Variants in UGGT2 observed in about 807,000 individuals in gnomAD.
UGGT2 encodes the protein UDP-glucose:glycoprotein glucosyltransferase 2.
A neutral mutation model predicts 192.1 loss-of-function variants in UGGT2; 180 were observed. The observed-to-expected ratio is 0.94, with a 90% confidence interval of 0.83 to 1.06. UGGT2 has a LOEUF of 1.06. Among genes scored for constraint, UGGT2 ranks in the 50% least tolerant of loss-of-function variants. The probability of loss-of-function intolerance (pLI) is 0.00; values close to 1 mark genes in which losing one functional copy is unlikely to be tolerated. For missense variants in UGGT2, 1,849 were observed against 1,795.7 expected, an observed-to-expected ratio of 1.03 and a Z score of -0.54; for synonymous variants, 580 against 591.0, an observed-to-expected ratio of 0.98 and a Z score of 0.27.
At chr13:95,960,037 A>G (rs1380684867) in intron 12 of UGGT2, among the ~76,000 whole-genome samples, 1 of 152,214 alleles carries the variant, frequency 6.6e-6, no homozygotes, top group African/African-American at 2.4e-5. Context: ...AGATTACCCT[A>G]CTGCACACAT....
chr13:95,970,110 A>G lies in UGGT2; in HGVS notation c.1335+2T>C. ...AGAACAAGGAATAGCATAAGCACTT[A>G]CCATTATAGAAGAATGTCGAATATC... On this transcript the variant is annotated splice_donor_variant, in intron 12 of 38. Transcript: ENST00000376747. LOFTEE classifies it high-confidence loss of function. 6.2e-7 allele frequency: 1 copy of G among 1,602,882 alleles called. No individual in the cohort carries two copies. Among genetic ancestry groups the G allele is most frequent in the Non-Finnish European group, 8.5e-7 (1 of 1,170,726 alleles).
chr13:96,015,233 G>A (rs535376493), intron 4 of UGGT2, among the ~76,000 whole-genome samples: 40 of 148,894 alleles, frequency 2.7e-4, no homozygotes, highest in South Asian at 8.5e-4. Flanking sequence ...AGCCGAGATC[G>A]CATCACTGCA....
At chr13:95,995,562 C>A (rs1005846223) in intron 7 of UGGT2, among the ~76,000 whole-genome samples, 1 of 151,898 alleles carries the variant, frequency 6.6e-6, no homozygotes, top group Non-Finnish European at 1.5e-5. Context: ...CAACTATTTT[C>A]CTGAAATTTG....
intron 1 of UGGT2, among the ~76,000 whole-genome samples, chr13:96,032,199 G>C (rs1293653604): frequency 6.6e-6 from 1 of 151,896 alleles, no homozygotes; most frequent in Non-Finnish European, 1.5e-5. Context: ...TCAGGAAAAG[G>C]CTTCATGAGA....
rs111456441 is a variant in UGGT2 at position 95,936,844 on chromosome 13, TTC to T, written c.1977+78_1977+79del. On this transcript the variant is annotated intron_variant, in intron 17 of 38. Coordinates refer to ENST00000376747, the MANE Select transcript of UGGT2 (RefSeq NM_020121.4). ...AATGGAAATTTTTTACCAAATCAACTTCTGTCATTAAAATAAGTTTTTAATAA... is the reference window on the plus strand; with the variant it reads ...AATGGAAATTTTTTACCAAATCAACTTGTCATTAAAATAAGTTTTTAATAA... The T allele has an allele frequency of 9.4e-6, 12 of 1,272,004 alleles. No individual in the cohort carries two copies. The East Asian group carries it at 2.2e-4, about 23-fold the overall frequency. The allele number at this position is 1,272,004 out of a possible 1,614,324, so 78.8% of individuals were successfully genotyped here.
Position 95,884,635 on chromosome 13 carries a change from A to T in UGGT2, c.3084T>A (p.Asn1028Lys). Residue 1028 changes from asparagine to lysine, a missense_variant, in exon 27 of 39, where the codon AAT becomes AAA. Transcript: ENST00000376747. ...CCACTGGTCCAAGAGAAGAAACGTC[A>T]TTAGCCCCTGACATCAGTTCTGGTT... ...VLEPELMSGA[N>K]DVSSLGPVAK... 1 of 1,613,928 alleles carries T rather than the reference A, an allele frequency of 6.2e-7. No individual in the cohort carries two copies. The highest frequency in any genetic ancestry group is 8.5e-7 in the Non-Finnish European group (1 of 1,179,870).
At chr13:95,992,179 A>G (rs1041799420) in intron 7 of UGGT2, among the ~76,000 whole-genome samples, 1 of 152,096 alleles carries the variant, frequency 6.6e-6, no homozygotes, top group Non-Finnish European at 1.5e-5. Flanking sequence ...AAAGAAAAGA[A>G]AAAAAAATGA....
In UGGT2 at chr13:95,854,396, C is replaced by T; in HGVS notation, c.4088G>A (p.Ser1363Asn). The change falls in exon 35 of 39, where the codon AGC becomes AAC. Residue 1363 changes from serine to asparagine, a missense_variant. Coordinates refer to ENST00000376747, the MANE Select transcript of UGGT2 (RefSeq NM_020121.4). ...ACGATATCCATCCATTTCCCTGCGGCTATCACAAAATGGAGTATACCCATA... is the reference window on the plus strand; with the variant it reads ...ACGATATCCATCCATTTCCCTGCGGTTATCACAAAATGGAGTATACCCATA... Reference protein sequence around the residue: ...APYGYTPFCDSRREMDGYRFW... With the variant: ...APYGYTPFCDNRREMDGYRFW... 1 of 1,613,878 alleles carries T rather than the reference C, an allele frequency of 6.2e-7. No homozygotes were observed. Among genetic ancestry groups the T allele is most frequent in the South Asian group, 1.1e-5 (1 of 91,058 alleles).
chr13:95,807,716 C>CCTTTTTTTTTTTTTTTTTTTTTT (rs370239086), intron 38 of UGGT2, among the ~76,000 whole-genome samples: 1 of 78,706 alleles, frequency 1.3e-5, no homozygotes, highest in Admixed American at 1.2e-4. Context: ...CAGCCCTCAC[C>CCTTTTTTTTTTTTTTTTTTTTTT]TTTTTTTTTT....
intron 38 of UGGT2, among the ~76,000 whole-genome samples, chr13:95,811,091 A>T (rs1884558578): frequency 6.6e-6 from 1 of 152,198 alleles, no homozygotes; most frequent in African/African-American, 2.4e-5. Context: ...TTTTAATCAA[A>T]AAGACATAAT....
At chr13:96,036,611 T>A (rs2053011060) in intron 1 of UGGT2, among the ~76,000 whole-genome samples, 2 of 152,058 alleles carry the variant, frequency 1.3e-5, no homozygotes, top group South Asian at 4.1e-4. Context: ...CCTCAATACA[T>A]CACTGCTCTA....
chr13:95,979,548 C>CAAAAAAAAAAAAAAA lies in UGGT2; in HGVS notation c.1092+4255_1092+4256insTTTTTTTTTTTTTTT, dbSNP rs57487353. Among the ~76,000 whole-genome samples the CAAAAAAAAAAAAAAA allele has an allele frequency of 1.1e-3, 105 of 98,726 alleles. 2 individuals carry two copies. The highest frequency in any genetic ancestry group is 3.5e-3 in the Admixed American group (29 of 8,220). The allele number at this position is 98,726 out of a possible 152,430, so 64.8% of individuals were successfully genotyped here. A position where few individuals can be genotyped will look rare whatever the true frequency, so the allele number is the denominator to read the frequency against. ...TTCTCATTTCCCCTGGTCTCTTACG[C>CAAAAAAAAAAAAAAA]AAAAAAAAAAAAAATACAGACTTGC... is the stretch of plus-strand genomic sequence containing the variant. On this transcript the variant is annotated intron_variant, in intron 10 of 38. Coordinates refer to ENST00000376747, the MANE Select transcript of UGGT2 (RefSeq NM_020121.4).
chr13:95,922,456 A>G (rs558069005), intron 20 of UGGT2, among the ~76,000 whole-genome samples: 46 of 152,172 alleles, frequency 3.0e-4, no homozygotes, highest in Non-Finnish European at 5.7e-4. Context: ...CTGGAATCAA[A>G]GCTAAAAATA....
chr13:95,980,998 A>C (rs2051105729), intron 10 of UGGT2, among the ~76,000 whole-genome samples: 1 of 152,186 alleles, frequency 6.6e-6, no homozygotes, highest in Non-Finnish European at 1.5e-5. Context: ...ACTCCATCTC[A>C]AAGATTCTTC....
At chr13:95,853,851 T>C (rs1026233987) in intron 35 of UGGT2, among the ~76,000 whole-genome samples, 194 bp from the exon 36 acceptor site, 3 of 152,206 alleles carry the variant, frequency 2.0e-5, no homozygotes, top group Non-Finnish European at 4.4e-5. Context: ...TTAATTTTGG[T>C]AGAACCCATA....
chr13:95,911,073 G>A (rs138266638), intron 20 of UGGT2, among the ~76,000 whole-genome samples: 4 of 152,276 alleles, frequency 2.6e-5, no homozygotes, highest in Non-Finnish European at 4.4e-5. Context: ...GAATCTTTGG[G>A]ACACATTTAA....
intron 1 of UGGT2, among the ~76,000 whole-genome samples, chr13:96,042,570 A>G (rs139070130): frequency 2.3e-3 from 356 of 152,282 alleles, no homozygotes; most frequent in Middle Eastern, 0.01. Flanking sequence ...AAGCTAATCA[A>G]GGAGGCACCA....
chr13:96,020,964 G>A (rs901787756), intron 4 of UGGT2, among the ~76,000 whole-genome samples: 1 of 152,190 alleles, frequency 6.6e-6, no homozygotes, highest in African/African-American at 2.4e-5. Context: ...CAGTATAAGC[G>A]TTACTATGCT....
intron 36 of UGGT2, among the ~76,000 whole-genome samples, chr13:95,840,990 A>G (rs1449631749): frequency 6.6e-6 from 1 of 152,146 alleles, no homozygotes; most frequent in African/African-American, 2.4e-5. Flanking sequence ...CATAAGTGGG[A>G]GTTGAACAAT....
Sources: gnomAD v4.1 joint callset for allele counts (sites outside exome capture counted in the v4.1 genomes callset) on GRCh38, gnomAD v4.1.1 for gene constraint, MANE v1.5 for transcripts, NCBI Gene and HGNC (gene_info 2026-07-23, HGNC 2026-07-21) for gene names.